The following PDSS2 variants were observed in gnomAD, a reference collection of about 807,000 sequenced individuals.
The protein encoded by PDSS2 is decaprenyl diphosphate synthase subunit 2, also known as all trans-polyprenyl-diphosphate synthase PDSS2.
A neutral mutation model predicts 44.5 loss-of-function variants in PDSS2; 31 were observed. The ratio of observed to expected loss-of-function variants is 0.70; its 90% CI spans 0.52 to 0.94. The LOEUF (loss-of-function observed/expected upper bound fraction) is 0.94, where lower values mean the gene tolerates loss of function less well. PDSS2 is among the 40% of genes least tolerant of loss of function. PDSS2 has a pLI of 0.00. For missense variants in PDSS2, 452 were observed against 482.2 expected (o/e 0.94, Z 0.59); for synonymous variants, 157 against 180.3 (o/e 0.87, Z 1.03).
intron 7 of PDSS2, among the ~76,000 whole-genome samples, chr6:107,172,767 C>T (rs1244790148): frequency 2.7e-5 from 4 of 150,896 alleles, no homozygotes; most frequent in Non-Finnish European, 5.9e-5. Flanking sequence ...CACACACACA[C>T]ATTCTTTTTT....
At chr6:107,449,765 C>T (rs1028279750) in intron 1 of PDSS2, among the ~76,000 whole-genome samples, 4 of 152,258 alleles carry the variant, frequency 2.6e-5, no homozygotes, top group African/African-American at 9.6e-5. Context: ...GAGATGGGGT[C>T]TCACTGTGTT....
At chr6:107,166,662 C>T (rs1167182310) in intron 7 of PDSS2, among the ~76,000 whole-genome samples, 4 of 152,128 alleles carry the variant, frequency 2.6e-5, no homozygotes, top group East Asian at 1.9e-4. Flanking sequence ...CCATGCCCGG[C>T]CTTTATTGAG....
chr6:107,430,461 C>T (rs186867073), intron 1 of PDSS2, among the ~76,000 whole-genome samples: 2 of 152,030 alleles, frequency 1.3e-5, no homozygotes, highest in East Asian at 3.9e-4. Context: ...GATTGTGCCA[C>T]TGCACTCCAG....
At chr6:107,419,234 A>C (rs911015295) in intron 1 of PDSS2, among the ~76,000 whole-genome samples, 2 of 152,228 alleles carry the variant, frequency 1.3e-5, no homozygotes, top group Non-Finnish European at 2.9e-5. Flanking sequence ...ATATCAATCT[A>C]AAACCACATT....
chr6:107,242,561 A>G (rs1194393500), intron 4 of PDSS2, among the ~76,000 whole-genome samples: 1 of 150,536 alleles, frequency 6.6e-6, no homozygotes, highest in Non-Finnish European at 1.5e-5. Context: ...ATTATTTTTT[A>G]AGAGACAAGG....
chr6:107,343,378 T>C (rs1778139500), intron 1 of PDSS2, among the ~76,000 whole-genome samples: 1 of 152,214 alleles, frequency 6.6e-6, no homozygotes, highest in Non-Finnish European at 1.5e-5. Flanking sequence ...CTTTTTAAAA[T>C]GCTGACTGCA....
intron 2 of PDSS2, among the ~76,000 whole-genome samples, chr6:107,307,485 C>CGTAT (rs1224192130): frequency 6.6e-6 from 1 of 151,886 alleles, no homozygotes; most frequent in African/African-American, 2.4e-5. Flanking sequence ...ATCTGATATA[C>CGTAT]CTCCAACTCA....
intron 1 of PDSS2, among the ~76,000 whole-genome samples, chr6:107,406,842 A>G (rs774062913): frequency 3.3e-5 from 5 of 152,232 alleles, no homozygotes; most frequent in African/African-American, 4.8e-5. Flanking sequence ...AACATTCATA[A>G]ACAGCTTCAC....
chr6:107,320,862 T>C (rs1204221988), intron 2 of PDSS2, among the ~76,000 whole-genome samples: 1 of 152,172 alleles, frequency 6.6e-6, no homozygotes, highest in Non-Finnish European at 1.5e-5. Flanking sequence ...GATGTCAAGA[T>C]GACTAAGAAA....
At chr6:107,177,067 G>A (rs1027043965) in intron 7 of PDSS2, among the ~76,000 whole-genome samples, 5 of 149,560 alleles carry the variant, frequency 3.3e-5, no homozygotes, top group African/African-American at 2.4e-5. Context: ...CAAAATGGAC[G>A]AAGTAATTCT....
At chr6:107,361,275 G>A (rs1582989542) in intron 1 of PDSS2, among the ~76,000 whole-genome samples, 1 of 152,100 alleles carries the variant, frequency 6.6e-6, no homozygotes. Context: ...CCAGATATAT[G>A]CCAATAAATT....
At chr6:107,162,540 TTTTG>T (rs1554246863) in intron 7 of PDSS2, among the ~76,000 whole-genome samples, 2 of 151,134 alleles carry the variant, frequency 1.3e-5, no homozygotes, top group Non-Finnish European at 2.9e-5. Context: ...CCTATTTATT[TTTTG>T]TTTGTTCAAG....
chr6:107,221,344 A>G (rs889562229), intron 4 of PDSS2, among the ~76,000 whole-genome samples: 9 of 12,182 alleles, frequency 7.4e-4, no homozygotes, highest in African/African-American at 6.7e-3. Context: ...TCCGTCTCGA[A>G]AAAAAAAAAA....
chr6:107,425,847 G>T (rs1323292646), intron 1 of PDSS2, among the ~76,000 whole-genome samples: 2 of 152,222 alleles, frequency 1.3e-5, no homozygotes, highest in East Asian at 3.9e-4. Flanking sequence ...TGTAGTCCCA[G>T]CTACTCGGGA....
At chr6:107,295,333 A>G (rs189026870) in intron 2 of PDSS2, among the ~76,000 whole-genome samples, 43 of 152,340 alleles carry the variant, frequency 2.8e-4, no homozygotes, top group East Asian at 7.7e-4. Flanking sequence ...CATAACATAA[A>G]TAAGATTATG....
rs761987770 is a variant in PDSS2 at position 107,210,525 on chromosome 6, A to G, written c.922T>C (p.Ser308Pro). 8 of 1,602,752 alleles carry G rather than the reference A, an allele frequency of 5.0e-6. No individual in the cohort carries two copies. The South Asian group carries it at 8.8e-5, about 18-fold the overall frequency. Residue 308 changes from serine to proline, a missense_variant, in exon 6 of 8, where the codon TCC becomes CCC. Physicochemically the swap from Ser to Pro is moderately conservative, Grantham distance 74. Transcript: ENST00000369037. ...GCTGAGTTTAGATTAAAAGTCATGG[A>G]GTCACTGGTCTTTTCTTTAATAAAA... is the stretch of plus-strand genomic sequence containing the variant. The part of the protein sequence containing the change: ...QPFIKEKTSD[S>P]MTFNLNSAPV...
At chr6:107,196,843 T>C (rs1352086102) in intron 6 of PDSS2, among the ~76,000 whole-genome samples, 1 of 152,142 alleles carries the variant, frequency 6.6e-6, no homozygotes, top group Non-Finnish European at 1.5e-5. Context: ...CAATGGCCAA[T>C]GGCTTAATCA....
intron 1 of PDSS2, among the ~76,000 whole-genome samples, chr6:107,433,318 T>C (rs1781251814): frequency 6.7e-6 from 1 of 149,632 alleles, no homozygotes; most frequent in Non-Finnish European, 1.5e-5. Context: ...GCCAAGGCCA[T>C]CCTGACCAAA....
intron 3 of PDSS2, among the ~76,000 whole-genome samples, chr6:107,267,197 T>C (rs1775437185): frequency 6.6e-6 from 1 of 152,200 alleles, no homozygotes; most frequent in Non-Finnish European, 1.5e-5. Context: ...ATTACCAAAA[T>C]GTGGACCTAG....
Sources: gnomAD v4.1 joint callset for allele counts (sites outside exome capture counted in the v4.1 genomes callset) on GRCh38, gnomAD v4.1.1 for gene constraint, MANE v1.5 for transcripts, NCBI Gene and HGNC (gene_info 2026-07-23, HGNC 2026-07-21) for gene names.